RHBDL2: variants seen among roughly 807,000 people sequenced by gnomAD.
RHBDL2 encodes the protein rhomboid like 2.
Under a neutral mutation model 31.7 loss-of-function variants are expected in RHBDL2, and 26 were observed. The ratio of observed to expected loss-of-function variants is 0.82; its 90% CI spans 0.60 to 1.14. RHBDL2 has a LOEUF of 1.14. Among genes scored for constraint, RHBDL2 ranks in the 50% most tolerant of loss-of-function variants. The pLI, the probability that RHBDL2 is intolerant of heterozygous loss-of-function variation, is 0.00. For missense variants in RHBDL2, 336 were observed against 364.4 expected, an observed-to-expected ratio of 0.92 and a Z score of 0.63; for synonymous variants, 123 against 127.2, an observed-to-expected ratio of 0.97 and a Z score of 0.22.
chr1:38,897,741 T>C (rs1642938404), intron 4 of RHBDL2, among the ~76,000 whole-genome samples: 1 of 151,646 alleles, frequency 6.6e-6, no homozygotes, highest in Non-Finnish European at 1.5e-5. Context: ...AAGGATTGGA[T>C]AAGAAAAACA....
intron 1 of RHBDL2, among the ~76,000 whole-genome samples, chr1:38,934,785 G>A (rs1049638474): frequency 1.3e-5 from 2 of 151,434 alleles, no homozygotes; most frequent in East Asian, 3.9e-4. Context: ...GTCAAACCCC[G>A]TCTCTACTAA....
intron 3 of RHBDL2, among the ~76,000 whole-genome samples, 193 bp from the exon 4 acceptor site, chr1:38,911,627 T>G (rs1043615320): frequency 3.9e-5 from 5 of 127,568 alleles, no homozygotes; most frequent in Admixed American, 1.7e-4. Context: ...TGTGTGTGTG[T>G]GTGTGTGTGT....
chr1:38,898,768 C>T (rs1272994551), intron 4 of RHBDL2, among the ~76,000 whole-genome samples: 2 of 152,110 alleles, frequency 1.3e-5, no homozygotes, highest in African/African-American at 4.8e-5. Flanking sequence ...AAGCTGCATA[C>T]AGAAAACTCC....
chr1:38,895,946 G>A (rs1040183987), intron 5 of RHBDL2, 23 bp downstream of exon 5: 7 of 1,481,910 alleles, frequency 4.7e-6, no homozygotes, highest in Non-Finnish European at 5.6e-6. Flanking sequence ...GAGACTCGTG[G>A]ACTCCATCCC....
intron 1 of RHBDL2, among the ~76,000 whole-genome samples, chr1:38,939,504 A>T (rs1284450842): frequency 6.6e-6 from 1 of 152,176 alleles, no homozygotes; most frequent in African/African-American, 2.4e-5. Flanking sequence ...TCTACCAAAA[A>T]TACAACAACA....
At chr1:38,888,068 T>C (rs746024692) in intron 6 of RHBDL2, 44 bp from the exon 7 acceptor site, 7 of 1,324,590 alleles carry the variant, frequency 5.3e-6, no homozygotes, top group Non-Finnish European at 7.5e-6. Flanking sequence ...ATCTCCACAG[T>C]AGTACACCAA....
intron 1 of RHBDL2, among the ~76,000 whole-genome samples, chr1:38,921,551 A>T (rs1290025424): frequency 1.3e-5 from 2 of 152,172 alleles, no homozygotes; most frequent in Admixed American, 6.6e-5. Flanking sequence ...AATCAGATCA[A>T]ATTCAACTGA....
rs769843009 is a variant in RHBDL2 at position 38,915,581 on chromosome 1, A to G, written c.376T>C (p.Tyr126His). ...KREEAWRFIS[Y>H]MLVHAGVQHI... is the part of the protein sequence containing the mutation. ...GCTTACCCAGCATGTACCAGCATGTATGAGATAAACCTCCAGGCTTCCTCC... is the reference window on the plus strand; with the variant it reads ...GCTTACCCAGCATGTACCAGCATGTGTGAGATAAACCTCCAGGCTTCCTCC... Residue 126 changes from tyrosine (Y) to histidine (H), a missense_variant, in exon 3 of 8, where the codon TAC (tyrosine) becomes CAC (histidine). Transcript: ENST00000372990. 1 of 1,614,192 alleles carries G rather than the reference A, an allele frequency of 6.2e-7. No individual in the cohort carries two copies. The highest frequency in any genetic ancestry group is 1.1e-5 in the South Asian group (1 of 91,080).
chr1:38,914,184 G>A (rs1643197448), intron 3 of RHBDL2, among the ~76,000 whole-genome samples: 1 of 151,520 alleles, frequency 6.6e-6, no homozygotes, highest in African/African-American at 2.4e-5. Flanking sequence ...CCTATTACCA[G>A]TATTATTCCA....
chr1:38,921,855 A>G (rs189518938), intron 1 of RHBDL2, among the ~76,000 whole-genome samples: 2 of 152,344 alleles, frequency 1.3e-5, no homozygotes, highest in Admixed American at 6.5e-5. Context: ...GCAGCTTTTA[A>G]CCACAAATAT....
intron 1 of RHBDL2, among the ~76,000 whole-genome samples, chr1:38,931,517 G>A (rs1164065898): frequency 5.9e-5 from 8 of 136,526 alleles, no homozygotes; most frequent in South Asian, 2.2e-4. Context: ...GCGAGACTCC[G>A]TCTCAAAAAA....
At chr1:38,897,116 T>G (rs1187923825) in intron 4 of RHBDL2, among the ~76,000 whole-genome samples, 1 of 151,876 alleles carries the variant, frequency 6.6e-6, no homozygotes, top group East Asian at 1.9e-4. Flanking sequence ...TTTTTTTTTT[T>G]TTGAGATGGA....
chr1:38,924,462 C>G (rs1324063849), intron 1 of RHBDL2, among the ~76,000 whole-genome samples: 1 of 151,924 alleles, frequency 6.6e-6, no homozygotes, highest in Non-Finnish European at 1.5e-5. Flanking sequence ...GGCGTGGTGG[C>G]GGGCGCCTGT....
intron 5 of RHBDL2, among the ~76,000 whole-genome samples, chr1:38,894,658 A>G (rs1184058533): frequency 6.6e-6 from 1 of 151,962 alleles, no homozygotes; most frequent in East Asian, 1.9e-4. Flanking sequence ...ACACAAATGC[A>G]AAAAGATAAA....
intron 1 of RHBDL2, among the ~76,000 whole-genome samples, chr1:38,938,868 G>C (rs1434935017): frequency 6.6e-6 from 1 of 152,172 alleles, no homozygotes; most frequent in Non-Finnish European, 1.5e-5. Flanking sequence ...GCATTCTGAG[G>C]ACAGGGCTTC....
chr1:38,937,703 G>GTATT (rs147532386), intron 1 of RHBDL2, among the ~76,000 whole-genome samples: 4,530 of 152,140 alleles, frequency 0.03, 202 homozygotes, highest in East Asian at 0.2. Context: ...AAAGCACAAG[G>GTATT]TATTGCAAGT....
chr1:38,912,813 A>G (rs1257664478), intron 3 of RHBDL2, among the ~76,000 whole-genome samples: 1 of 150,708 alleles, frequency 6.6e-6, no homozygotes, highest in Non-Finnish European at 1.5e-5. Flanking sequence ...TGAGGTAGGT[A>G]CTATTCATAT....
chr1:38,918,370 G>T (rs1643265983), intron 2 of RHBDL2, among the ~76,000 whole-genome samples: 1 of 152,130 alleles, frequency 6.6e-6, no homozygotes, highest in Admixed American at 6.5e-5. Flanking sequence ...AAAACTAGGT[G>T]CCACGAGGTA....
chr1:38,913,590 A>G (rs1643187809), intron 3 of RHBDL2: 1 of 150,712 alleles, frequency 6.6e-6, no homozygotes, highest in African/African-American at 2.4e-5. Flanking sequence ...ACTCAAAGCG[A>G]TCCTCCTTCG....
Sources: allele counts gnomAD v4.1 joint callset (sites outside exome capture counted in the v4.1 genomes callset), GRCh38; gene constraint gnomAD v4.1.1; transcripts MANE v1.5; gene names NCBI Gene and HGNC (gene_info 2026-07-23, HGNC 2026-07-21).